Variants in ICA1 observed in about 807,000 individuals in gnomAD.
ICA1 encodes 69 kDa islet cell autoantigen.
A neutral mutation model predicts 71.0 loss-of-function variants in ICA1; 40 were observed. That is an observed-to-expected ratio of 0.56 (90% CI 0.44 to 0.73). ICA1 has a LOEUF of 0.73. ICA1 is among the 30% of genes least tolerant of loss of function. ICA1 has a pLI of 0.00. For missense variants in ICA1, 578 were observed against 576.5 expected, an observed-to-expected ratio of 1.00 and a Z score of -0.03; for synonymous variants, 207 against 209.5, an observed-to-expected ratio of 0.99 and a Z score of 0.10.
intron 6 of ICA1, among the ~76,000 whole-genome samples, chr7:8,207,929 G>C (rs143138861): frequency 1.6e-3 from 238 of 152,286 alleles, no homozygotes; most frequent in African/African-American, 5.5e-3. Context: ...GTTTCACTGA[G>C]AGACAGGGAA....
chr7:8,246,473 G>C (rs1008038), intron 1 of ICA1, among the ~76,000 whole-genome samples: 54,525 of 152,054 alleles, frequency 0.36, 10,188 homozygotes, highest in East Asian at 0.5. Context: ...GCTCAGAGGT[G>C]GAACTGCTGC....
chr7:8,208,166 A>T (rs1442879697), intron 6 of ICA1, among the ~76,000 whole-genome samples: 1 of 152,244 alleles, frequency 6.6e-6, no homozygotes. Context: ...TTCCCTAGCC[A>T]ACTTATAAAT....
chr7:8,195,939 C>T (rs1051236941), intron 6 of ICA1, among the ~76,000 whole-genome samples: 7 of 152,168 alleles, frequency 4.6e-5, no homozygotes, highest in South Asian at 2.1e-4. Flanking sequence ...GATCGTGCCA[C>T]TGCACTCCAG....
At chr7:8,125,679 C>T (rs1028965720) in intron 13 of ICA1, among the ~76,000 whole-genome samples, 1 of 152,212 alleles carries the variant, frequency 6.6e-6, no homozygotes, top group Non-Finnish European at 1.5e-5. Context: ...AGCAGACAGC[C>T]TTGTCTGTTT....
Position 8,123,063 on chromosome 7 carries a change from A to G in ICA1, c.1330+4810T>C, listed in dbSNP as rs1787642049. On this transcript the variant is annotated intron_variant, in intron 13 of 13. Transcript: ENST00000402384. This position sits in a 1 kb window ranked among gnomAD's most constrained non-coding sequence, Gnocchi z 4.1. Reference sequence around the variant, plus strand: ...CACAAAGTGGCCTTGGGAAGGCACAATTTTCTCATCACTGCATGACAGAGG... The same window carrying G: ...CACAAAGTGGCCTTGGGAAGGCACAGTTTTCTCATCACTGCATGACAGAGG... 6.6e-6 allele frequency among the ~76,000 whole-genome samples: 1 copy of G among 152,132 alleles called. No homozygotes were observed. Among genetic ancestry groups the G allele is most frequent in the Non-Finnish European group, 1.5e-5 (1 of 68,024 alleles).
At chr7:8,233,686 G>A (rs7802491) in intron 2 of ICA1, among the ~76,000 whole-genome samples, 59,263 of 151,862 alleles carry the variant, frequency 0.39, 11,885 homozygotes, top group African/African-American at 0.45. Context: ...ATGAGCCACC[G>A]CGCCCAGCCC....
At chr7:8,166,419 G>T (rs555865725) in intron 6 of ICA1, among the ~76,000 whole-genome samples, 2 of 152,154 alleles carry the variant, frequency 1.3e-5, no homozygotes, top group Non-Finnish European at 2.9e-5. Flanking sequence ...AATAAATGGT[G>T]CTGGGATAAC....
intron 1 of ICA1, among the ~76,000 whole-genome samples, chr7:8,260,174 C>A (rs1207000939): frequency 6.6e-6 from 1 of 152,094 alleles, no homozygotes. Flanking sequence ...TATCCTTCTA[C>A]GTTATGGCAT....
chr7:8,230,899 G>C (rs1375066623), intron 3 of ICA1, among the ~76,000 whole-genome samples: 1 of 152,072 alleles, frequency 6.6e-6, no homozygotes, highest in Non-Finnish European at 1.5e-5. Flanking sequence ...TTATTCAGTT[G>C]GTACTTATTG....
chr7:8,152,643 TCCACCACCACCA>T (rs777722192), intron 8 of ICA1, among the ~76,000 whole-genome samples: 9 of 94,372 alleles, frequency 9.5e-5, no homozygotes, highest in South Asian at 7.6e-4. Flanking sequence ...CACCATCTCC[TCCACCACCACCA>T]CCACCACCAC....
At chr7:8,229,989 G>A (rs565822075) in intron 3 of ICA1, among the ~76,000 whole-genome samples, 1 of 152,316 alleles carries the variant, frequency 6.6e-6, no homozygotes, top group South Asian at 2.1e-4. Flanking sequence ...TTTAAAAATT[G>A]AGGTATAAAT....
At chr7:8,159,234 T>C (rs1802806229) in intron 6 of ICA1, among the ~76,000 whole-genome samples, 1 of 152,224 alleles carries the variant, frequency 6.6e-6, no homozygotes, top group African/African-American at 2.4e-5. Flanking sequence ...CTAAAAAAAC[T>C]ATTCCCATGG....
At chr7:8,196,628 G>A (rs1204984945) in intron 6 of ICA1, among the ~76,000 whole-genome samples, 1 of 152,058 alleles carries the variant, frequency 6.6e-6, no homozygotes, top group Non-Finnish European at 1.5e-5. Flanking sequence ...GGGGTGGTTG[G>A]GAAGCGGGGA....
At chr7:8,168,377 C>T (rs941165447) in intron 6 of ICA1, among the ~76,000 whole-genome samples, 1 of 152,054 alleles carries the variant, frequency 6.6e-6, no homozygotes, top group Non-Finnish European at 1.5e-5. Flanking sequence ...TGGGAAATCC[C>T]TATTTTACAG....
rs199855161 is a variant in ICA1 at position 8,145,746 on chromosome 7, G to GTATATATATATATATATA, written c.805-1775_805-1774insTATATATATATATATATA. Among the ~76,000 whole-genome samples, 8 of 33,520 alleles carry GTATATATATATATATATA rather than the reference G, an allele frequency of 2.4e-4. 1 individual carries two copies. Among genetic ancestry groups the GTATATATATATATATATA allele is most frequent in the African/African-American group, 3.6e-4 (7 of 19,464 alleles). The allele number at this position is 33,520 out of a possible 152,430, so 22.0% of individuals were successfully genotyped here. A position where few individuals can be genotyped will look rare whatever the true frequency, so the allele number is the denominator to read the frequency against. ...CACTACTTGTATGATTGGAATCATTGTGTATATATATATATATATATGTAT... is the reference window on the plus strand; with the variant it reads ...CACTACTTGTATGATTGGAATCATTGTATATATATATATATATATGTATATATATATATATATATGTAT... On this transcript the variant is annotated intron_variant, in intron 8 of 13. Coordinates refer to ENST00000402384, the MANE Select transcript of ICA1 (RefSeq NM_001136020.3).
At chr7:8,175,933 G>C (rs1432373931) in intron 6 of ICA1, among the ~76,000 whole-genome samples, 3 of 152,174 alleles carry the variant, frequency 2.0e-5, no homozygotes, top group African/African-American at 7.2e-5. Context: ...CCCCGCTCCT[G>C]CCTCGTCAGT....
rs549493438 is a variant in ICA1 at position 8,201,841 on chromosome 7, G to A, written c.579+16464C>T. Among the ~76,000 whole-genome samples, 12 of 152,290 alleles carry A rather than the reference G, an allele frequency of 7.9e-5. No individual in the cohort carries two copies. The South Asian group carries it at 1.7e-3, about 21-fold the overall frequency. The stretch of plus-strand genomic sequence containing the variant: ...CATTAGGGAGATTCATCAGAGGAAG[G>A]AGGCTGAGGATTTTAGAACATTCCT... On this transcript the variant is annotated intron_variant, in intron 6 of 13. Coordinates refer to ENST00000402384, the MANE Select transcript of ICA1 (RefSeq NM_001136020.3).
At chr7:8,236,704 G>C (rs376765194) in intron 1 of ICA1, 1 of 152,248 alleles carries the variant, frequency 6.6e-6, no homozygotes. Flanking sequence ...TATTTATCTC[G>C]TTAGTAAATA....
chr7:8,149,893 G>A (rs1351510723), intron 8 of ICA1, among the ~76,000 whole-genome samples: 2 of 152,144 alleles, frequency 1.3e-5, no homozygotes, highest in Non-Finnish European at 2.9e-5. Context: ...AAAAACAGAG[G>A]CCACAGTGAT....
Sources: allele counts gnomAD v4.1 joint callset (sites outside exome capture counted in the v4.1 genomes callset), GRCh38; gene constraint gnomAD v4.1.1; non-coding constraint Gnocchi (gnomAD v3.1); transcripts MANE v1.5; gene names NCBI Gene and HGNC (gene_info 2026-07-23, HGNC 2026-07-21).